Variants in CCDC7 observed in about 807,000 individuals in gnomAD.
CCDC7 encodes coiled-coil domain-containing protein 7.
In CCDC7, 183 loss-of-function variants were observed where a neutral mutation model predicts 196.9. The observed-to-expected ratio is 0.93, with a 90% CI of 0.82 to 1.05. CCDC7 has a LOEUF of 1.05. CCDC7 is among the 50% of genes least tolerant of loss of function. The pLI is 0.00. For missense variants in CCDC7, 1,540 were observed against 1,482.2 expected (o/e 1.04, Z -0.64); for synonymous variants, 525 against 484.6 (o/e 1.08, Z -1.10).
intron 18 of CCDC7, among the ~76,000 whole-genome samples, chr10:32,593,080 G>T (rs539762908): frequency 2.7e-4 from 41 of 152,274 alleles, no homozygotes; most frequent in Non-Finnish European, 4.4e-4. Context: ...GGGATGGCTG[G>T]ATCAAATGGT....
intron 16 of CCDC7, among the ~76,000 whole-genome samples, chr10:32,577,807 G>C (rs933904014): frequency 6.6e-6 from 1 of 152,086 alleles, no homozygotes; most frequent in African/African-American, 2.4e-5. Context: ...ATTTTCCTGG[G>C]CATGTACCAC....
chr10:32,630,486 G>C (rs2064709923), intron 18 of CCDC7, among the ~76,000 whole-genome samples: 1 of 151,966 alleles, frequency 6.6e-6, no homozygotes, highest in Non-Finnish European at 1.5e-5. Flanking sequence ...AGTACAGGGA[G>C]TCCTTTTCCC....
At chr10:32,554,331 A>G (rs2947076) in intron 13 of CCDC7, among the ~76,000 whole-genome samples, 21,014 of 152,196 alleles carry the variant, frequency 0.14, 1,756 homozygotes, top group East Asian at 0.25. Context: ...AGTTCTGGCC[A>G]GGAGGTTTCT....
chr10:32,592,475 A>AT (rs1402447473), intron 18 of CCDC7, among the ~76,000 whole-genome samples: 3 of 151,668 alleles, frequency 2.0e-5, no homozygotes, highest in South Asian at 4.2e-4. Flanking sequence ...TCTAAATTTC[A>AT]TTTTTTTGTA....
At chr10:32,500,627 T>G (rs542085488) in intron 9 of CCDC7, among the ~76,000 whole-genome samples, 1 of 152,172 alleles carries the variant, frequency 6.6e-6, no homozygotes, top group African/African-American at 2.4e-5. Flanking sequence ...GAGACGCTCC[T>G]CACTTCCAAG....
intron 29 of CCDC7, among the ~76,000 whole-genome samples, chr10:32,791,137 C>T (rs184633728): frequency 6.6e-6 from 1 of 152,194 alleles, no homozygotes; most frequent in Non-Finnish European, 1.5e-5. Context: ...TGACATGGAT[C>T]GCAGGTAAGG....
intron 3 of CCDC7, 152 bp from the exon 5 acceptor site, chr10:32,462,531 A>C: frequency 1.9e-6 from 1 of 537,944 alleles, no homozygotes; most frequent in Non-Finnish European, 2.9e-6. Flanking sequence ...TAAATAAAAA[A>C]TTTTAAGTTT....
chr10:32,640,246 T>A (rs1324160145), intron 20 of CCDC7, among the ~76,000 whole-genome samples: 4 of 152,234 alleles, frequency 2.6e-5, no homozygotes, highest in Non-Finnish European at 4.4e-5. Context: ...GCATACATAT[T>A]TAGGATAGTC....
intron 18 of CCDC7, among the ~76,000 whole-genome samples, chr10:32,614,316 A>T (rs2062535061): frequency 6.8e-6 from 1 of 147,376 alleles, no homozygotes; most frequent in Admixed American, 6.9e-5. Flanking sequence ...TTTTTAGCCT[A>T]CGTGTGTCTT....
At chr10:32,460,631 C>A (rs373712474) in intron 3 of CCDC7, among the ~76,000 whole-genome samples, 2 of 145,064 alleles carry the variant, frequency 1.4e-5, no homozygotes, top group South Asian at 4.4e-4. Flanking sequence ...GACATTATTT[C>A]TAAACACTTA....
intron 25 of CCDC7, among the ~76,000 whole-genome samples, chr10:32,713,400 C>A (rs1177146140): frequency 6.6e-6 from 1 of 152,202 alleles, no homozygotes; most frequent in Non-Finnish European, 1.5e-5. Context: ...CAGTTCCCCA[C>A]TGGGGACCTA....
intron 23 of CCDC7, among the ~76,000 whole-genome samples, chr10:32,693,946 C>A (rs1489000628): frequency 6.6e-6 from 1 of 152,002 alleles, no homozygotes; most frequent in Non-Finnish European, 1.5e-5. Context: ...AAGTAGGCTG[C>A]AAAACATGTG....
chr10:32,743,625 C>A (rs925635802), intron 28 of CCDC7, among the ~76,000 whole-genome samples: 7 of 152,066 alleles, frequency 4.6e-5, no homozygotes, highest in Non-Finnish European at 8.8e-5. Context: ...TTGACCCAGC[C>A]ATCCCATTAC....
intron 28 of CCDC7, among the ~76,000 whole-genome samples, chr10:32,759,506 T>G (rs1476433262): frequency 5.3e-5 from 8 of 152,144 alleles, no homozygotes; most frequent in East Asian, 1.9e-4. Context: ...GGATTCCCTA[T>G]TTAATAAATG....
chr10:32,824,452 C>A, intron 31 of CCDC7, 66 bp from the exon 33 acceptor site: 1 of 964,194 alleles, frequency 1.0e-6, no homozygotes, highest in Non-Finnish European at 1.6e-6. Context: ...GTATTAGACA[C>A]ATGCACACAC....
chr10:32,662,050 A>G lies in CCDC7; in HGVS notation c.2015-2004A>G, dbSNP rs530362925. Among the ~76,000 whole-genome samples, 21 of 152,182 alleles carry G rather than the reference A, an allele frequency of 1.4e-4. No individual in the cohort carries two copies. The East Asian group carries it at 3.1e-3, about 22-fold the overall frequency. On this transcript the variant is annotated intron_variant, in intron 20 of 41. Transcript: ENST00000639629. ...CAGAACTCAAGTTCCAACAGCAGGGATATGCAATTCCCTTTTGGCCTCTCT... is the reference window on the plus strand; with the variant it reads ...CAGAACTCAAGTTCCAACAGCAGGGGTATGCAATTCCCTTTTGGCCTCTCT...
At chr10:32,709,492 A>G (rs2080441573) in intron 24 of CCDC7, among the ~76,000 whole-genome samples, 1 of 151,876 alleles carries the variant, frequency 6.6e-6, no homozygotes, top group Non-Finnish European at 1.5e-5. Context: ...AAATAAGAAA[A>G]CTAACCATAA....
At chr10:32,674,624 CTGT>C (rs1304530839) in intron 21 of CCDC7, among the ~76,000 whole-genome samples, 1 of 151,928 alleles carries the variant, frequency 6.6e-6, no homozygotes, top group Non-Finnish European at 1.5e-5. Context: ...TTGTTCAGAT[CTGT>C]TGTTTATTGA....
intron 18 of CCDC7, among the ~76,000 whole-genome samples, chr10:32,617,461 TCTAA>T (rs2062904711): frequency 6.6e-6 from 1 of 151,852 alleles, no homozygotes; most frequent in South Asian, 2.1e-4. Context: ...TTTTGCTGTA[TCTAA>T]CAGGTTTTGG....
Sources: gnomAD v4.1 joint callset for allele counts (sites outside exome capture counted in the v4.1 genomes callset) on GRCh38, gnomAD v4.1.1 for gene constraint, MANE v1.5 for transcripts, NCBI Gene and HGNC (gene_info 2026-07-23, HGNC 2026-07-21) for gene names.